The following NR5A2 variants were observed in gnomAD, a reference collection of about 807,000 sequenced individuals.
NR5A2 encodes the protein nuclear receptor subfamily 5 group A member 2.
NR5A2 carries 26 observed loss-of-function variants against 62.7 expected under a neutral mutation model. The observed-to-expected ratio is 0.41, with a 90% CI of 0.30 to 0.58. The LOEUF is 0.58. Ranked by LOEUF, NR5A2 falls within the 20% of genes least tolerant of loss-of-function variation. The pLI is 0.22. For missense variants in NR5A2, 541 were observed against 669.1 expected, an observed-to-expected ratio of 0.81 and a Z score of 2.11; for synonymous variants, 246 against 241.7, an observed-to-expected ratio of 1.02 and a Z score of -0.16.
intron 2 of NR5A2, among the ~76,000 whole-genome samples, chr1:200,042,273 C>T (rs2102151528): frequency 6.6e-6 from 1 of 152,254 alleles, no homozygotes; most frequent in South Asian, 2.1e-4. Context: ...CTCTGTGGCC[C>T]GGGAAGAGAC....
intron 5 of NR5A2, among the ~76,000 whole-genome samples, chr1:200,067,992 A>C (rs1158809151): frequency 1.3e-5 from 2 of 152,198 alleles, no homozygotes; most frequent in Non-Finnish European, 2.9e-5. Context: ...TTTCTCCTTC[A>C]GTATGAAACC....
intron 5 of NR5A2, among the ~76,000 whole-genome samples, chr1:200,076,679 GT>G (rs1664055936): frequency 1.3e-5 from 2 of 152,144 alleles, no homozygotes; most frequent in African/African-American, 4.8e-5. Context: ...CAGATTTAGT[GT>G]TTTAACTATT....
At chr1:200,028,047 G>GTA (rs1661408609) in intron 1 of NR5A2, 136 bp downstream of exon 1, 2 of 520,234 alleles carry the variant, frequency 3.8e-6, no homozygotes, top group East Asian at 3.2e-5. Context: ...ATAAGCCTAT[G>GTA]TATATATATC....
chr1:200,089,201 G>C (rs1664693638), intron 5 of NR5A2, among the ~76,000 whole-genome samples: 1 of 152,062 alleles, frequency 6.6e-6, no homozygotes, highest in Admixed American at 6.6e-5. Flanking sequence ...TGCAACTTTG[G>C]GTTTTGTTTT....
At chr1:200,139,740 C>T (rs1187683932) in intron 7 of NR5A2, among the ~76,000 whole-genome samples, 2 of 152,182 alleles carry the variant, frequency 1.3e-5, no homozygotes, top group Non-Finnish European at 2.9e-5. Flanking sequence ...AAAGTTGCCT[C>T]TTGGCACAGC....
chr1:200,133,048 C>T (rs1667034147), intron 7 of NR5A2, among the ~76,000 whole-genome samples: 1 of 152,150 alleles, frequency 6.6e-6, no homozygotes, highest in Non-Finnish European at 1.5e-5. Context: ...AATTTTTGAA[C>T]TCCACACGCA....
chr1:200,115,443 G>A (rs1246514887), intron 6 of NR5A2, among the ~76,000 whole-genome samples: 1 of 152,140 alleles, frequency 6.6e-6, no homozygotes, highest in Non-Finnish European at 1.5e-5. Flanking sequence ...TGATATCATG[G>A]GAAAAAGTAA....
At chr1:200,078,750 A>C (rs1033040762) in intron 5 of NR5A2, among the ~76,000 whole-genome samples, 1 of 152,162 alleles carries the variant, frequency 6.6e-6, no homozygotes, top group Non-Finnish European at 1.5e-5. Context: ...ACCTTACTTT[A>C]ATGTTATACA....
At chr1:200,117,782 C>T (rs544112594) in intron 6 of NR5A2, among the ~76,000 whole-genome samples, 122 of 151,878 alleles carry the variant, frequency 8.0e-4, no homozygotes, top group African/African-American at 2.8e-3. Flanking sequence ...GGCGCAATCT[C>T]GGCTCACTGC....
At chr1:200,086,134 G>A (rs908688522) in intron 5 of NR5A2, among the ~76,000 whole-genome samples, 4 of 152,096 alleles carry the variant, frequency 2.6e-5, no homozygotes, top group African/African-American at 9.7e-5. Flanking sequence ...GTTTGAGTTA[G>A]GGTGGAGAAA....
intron 7 of NR5A2, among the ~76,000 whole-genome samples, chr1:200,170,820 A>C (rs956096397): frequency 2.0e-5 from 3 of 152,260 alleles, no homozygotes; most frequent in African/African-American, 7.2e-5. Flanking sequence ...TGTAAAGTAC[A>C]GTATTTTATT....
At chr1:200,153,156 A>AG (rs1467551895) in intron 7 of NR5A2, among the ~76,000 whole-genome samples, 1 of 152,218 alleles carries the variant, frequency 6.6e-6, no homozygotes, top group Admixed American at 6.5e-5. Flanking sequence ...GTACTTATCT[A>AG]AAGCCTACTT....
chr1:200,099,903 T>C (rs1665287877), intron 5 of NR5A2, among the ~76,000 whole-genome samples: 1 of 152,212 alleles, frequency 6.6e-6, no homozygotes, highest in Non-Finnish European at 1.5e-5. Context: ...CACCTGGAAT[T>C]CTTTTTTGGC....
intron 1 of NR5A2, among the ~76,000 whole-genome samples, chr1:200,035,982 A>G (rs1441648009): frequency 6.6e-6 from 1 of 152,092 alleles, no homozygotes; most frequent in Non-Finnish European, 1.5e-5. Context: ...ACCAGTTACA[A>G]TTCCCGCAGC....
intron 1 of NR5A2, chr1:200,029,114 C>G (rs765490669): frequency 2.3e-6 from 1 of 442,542 alleles, no homozygotes; most frequent in Non-Finnish European, 4.5e-6. Context: ...GCAGAACCGC[C>G]GCGGTGCGCA....
chr1:200,105,736 G>T (rs1486745573), intron 5 of NR5A2, among the ~76,000 whole-genome samples: 1 of 152,096 alleles, frequency 6.6e-6, no homozygotes, highest in Non-Finnish European at 1.5e-5. Flanking sequence ...AGGATACCTT[G>T]AGTCTAGGAG....
intron 5 of NR5A2, among the ~76,000 whole-genome samples, chr1:200,085,993 G>A (rs981521949): frequency 3.9e-5 from 6 of 152,280 alleles, no homozygotes; most frequent in African/African-American, 1.4e-4. Flanking sequence ...CCTAATGTAA[G>A]AGCTGTTTGG....
intron 5 of NR5A2, among the ~76,000 whole-genome samples, chr1:200,073,268 T>TTATATA (rs371537456): frequency 0.042 from 4,612 of 111,074 alleles, 317 homozygotes; most frequent in Non-Finnish European, 0.055. Context: ...ATATTCCCCT[T>TTATATA]TATATATATA....
rs1409153682 is a variant in NR5A2, at chr1:200,039,764, G to T, written c.171G>T (p.Gly57=). ...TEALGLARSH[G]EQGQMPENMQ... ...CCCTGGGACTGGCTCGATCGCATGG[G>T]GAACAGGGCCAGATGCCGGAAAACA... The change falls in exon 2 of 8, where the codon GGG becomes GGT. Residue 57 remains glycine (G), a synonymous_variant. Transcript: ENST00000367362. This position sits in a 1 kb window ranked among gnomAD's most constrained non-coding sequence, Gnocchi z 5.1. The T allele has an allele frequency of 4.3e-6, 7 of 1,609,888 alleles. No homozygotes were observed. The highest frequency in any genetic ancestry group is 5.9e-6 in the Non-Finnish European group (7 of 1,178,260).
Sources: allele counts gnomAD v4.1 joint callset (sites outside exome capture counted in the v4.1 genomes callset), GRCh38; gene constraint gnomAD v4.1.1; non-coding constraint Gnocchi (gnomAD v3.1); transcripts MANE v1.5; gene names NCBI Gene and HGNC (gene_info 2026-07-23, HGNC 2026-07-21).